Variants in ADAMTS19 observed in about 807,000 individuals in gnomAD.
The protein encoded by ADAMTS19 is A disintegrin and metalloproteinase with thrombospondin motifs 19.
Under a neutral mutation model 153.3 loss-of-function variants are expected in ADAMTS19, and 93 were observed. The ratio of observed to expected loss-of-function variants is 0.61; its 90% confidence interval spans 0.51 to 0.72. The LOEUF (loss-of-function observed/expected upper bound fraction) is 0.72. Ranked by LOEUF, ADAMTS19 falls within the 30% of genes least tolerant of loss-of-function variation. The probability of loss-of-function intolerance (pLI) is 0.00; values close to 1 mark genes in which losing one functional copy is unlikely to be tolerated. For synonymous variants in ADAMTS19, 600 were observed against 556.6 expected (o/e 1.08, Z -1.10); for missense variants, 1,482 against 1,552.1 (o/e 0.95, Z 0.76).
At chr5:129,603,576 T>C (rs992446255) in intron 8 of ADAMTS19, among the ~76,000 whole-genome samples, 1 of 152,206 alleles carries the variant, frequency 6.6e-6, no homozygotes, top group Non-Finnish European at 1.5e-5. Flanking sequence ...TAGGAAAATT[T>C]AGCCTAAGTC....
At chr5:129,696,064 T>C (rs1755537730) in intron 19 of ADAMTS19, among the ~76,000 whole-genome samples, 1 of 152,178 alleles carries the variant, frequency 6.6e-6, no homozygotes, top group South Asian at 2.1e-4. Context: ...TCTTAATCTC[T>C]TTGGGAATTA....
chr5:129,610,679 C>G (rs1181545241), intron 8 of ADAMTS19, among the ~76,000 whole-genome samples: 1 of 152,110 alleles, frequency 6.6e-6, no homozygotes, highest in Non-Finnish European at 1.5e-5. Context: ...TTTCTTAATC[C>G]AATCTATCAC....
At chr5:129,610,438 C>G (rs182537827) in intron 8 of ADAMTS19, among the ~76,000 whole-genome samples, 94 of 152,146 alleles carry the variant, frequency 6.2e-4, no homozygotes, top group Middle Eastern at 3.4e-3. Context: ...ATCCTTCCCC[C>G]CTCTACCCAC....
intron 2 of ADAMTS19, among the ~76,000 whole-genome samples, chr5:129,495,711 A>G (rs1750904603): frequency 6.6e-6 from 1 of 152,006 alleles, no homozygotes; most frequent in Non-Finnish European, 1.5e-5. Flanking sequence ...GAACCAACTT[A>G]CCCCTAATTT....
chr5:129,464,492 A>G (rs1279465253), intron 2 of ADAMTS19, among the ~76,000 whole-genome samples: 2 of 152,204 alleles, frequency 1.3e-5, no homozygotes, highest in African/African-American at 2.4e-5. Flanking sequence ...CTCTCTTGAT[A>G]GTAAGCTTTG....
chr5:129,527,812 T>C lies in ADAMTS19; in HGVS notation c.1151T>C (p.Ile384Thr). The change falls in exon 5 of 23, where the codon ATT becomes ACT. Residue 384 changes from isoleucine to threonine, a missense_variant. Coordinates refer to ENST00000274487, the MANE Select transcript of ADAMTS19 (RefSeq NM_133638.6). ...GTCAATCTTCGTGTGATAAAGCTTA[T>C]TCTGCTCCATGAAACTCCAGTAAGA... ...VQVNLRVIKLILLHETPPELY... is the reference protein window; with the variant it reads ...VQVNLRVIKLTLLHETPPELY... 1 of 1,597,082 alleles carries C rather than the reference T, an allele frequency of 6.3e-7. No homozygotes were observed. The highest frequency in any genetic ancestry group is 1.3e-5 in the African/African-American group (1 of 74,664).
chr5:129,703,300 T>C (rs1755995947), intron 20 of ADAMTS19, among the ~76,000 whole-genome samples: 1 of 151,994 alleles, frequency 6.6e-6, no homozygotes, highest in African/African-American at 2.4e-5. Flanking sequence ...TAGTGGAATA[T>C]ACATATGTGC....
rs2112862306 is a variant in ADAMTS19 at position 129,461,404 on chromosome 5, T to C, written c.394T>C (p.Ser132Pro). 7.4e-7 allele frequency: 1 copy of C among 1,358,126 alleles called. No homozygotes were observed. The highest frequency in any genetic ancestry group is 3.0e-5 in the East Asian group (1 of 32,814). The allele number at this position is 1,358,126 out of a possible 1,614,324, so 84.1% of individuals were successfully genotyped here. A position where few individuals can be genotyped will look rare whatever the true frequency, so the allele number is the denominator to read the frequency against. Residue 132 changes from serine (S) to proline (P), a missense_variant, in exon 2 of 23, where the codon TCC becomes CCC. Physicochemically the swap from Ser to Pro is moderately conservative, Grantham distance 74. This residue lies in a region of ADAMTS19 where 866 missense variants were observed against 827.7 expected (regional missense o/e 1.05). Transcript: ENST00000274487. This position sits in a 1 kb window ranked among gnomAD's most constrained non-coding sequence, Gnocchi z 4.6. ...CGAGTCGCAGGAGCTGCCGCGGGGA[T>C]CCAGCGGGGCTGCCGCCTTGTCCCC... ...ELESQELPRG[S>P]SGAAALSPGA...
chr5:129,605,893 A>G (rs1581136211), intron 8 of ADAMTS19, among the ~76,000 whole-genome samples: 1 of 152,176 alleles, frequency 6.6e-6, no homozygotes, highest in South Asian at 2.1e-4. Flanking sequence ...GAGTTAGGGG[A>G]AATTACTTAT....
chr5:129,492,264 G>A (rs1750792385), intron 2 of ADAMTS19, among the ~76,000 whole-genome samples: 1 of 152,138 alleles, frequency 6.6e-6, no homozygotes, highest in Admixed American at 6.5e-5. Flanking sequence ...CAGTATCAAG[G>A]GGAGGGTACT....
In ADAMTS19 at chr5:129,620,353, A is replaced by G. The variant is rs571524910; in HGVS notation, c.1479-265A>G. Among the ~76,000 whole-genome samples the G allele has an allele frequency of 9.2e-5, 14 of 152,180 alleles. No individual in the cohort carries two copies. In the East Asian group the frequency reaches 2.1e-3, roughly 23 times the overall value. On this transcript the variant is annotated intron_variant, in intron 8 of 22. Transcript: ENST00000274487. ...GAATATATCTGTAGGTCATTTCCGT[A>G]TAAAGGACCTAAACATGTCATTTTA...
rs191117404 is a variant in ADAMTS19 at position 129,660,299 on chromosome 5, A to T, written c.2425+1562A>T. Among the ~76,000 whole-genome samples, 304 of 152,266 alleles carry T rather than the reference A, an allele frequency of 2.0e-3. 2 individuals carry two copies. The highest frequency in any genetic ancestry group is 6.8e-3 in the Middle Eastern group (2 of 294). On this transcript the variant is annotated intron_variant, in intron 15 of 22. Coordinates refer to ENST00000274487, the MANE Select transcript of ADAMTS19 (RefSeq NM_133638.6). ...CTTTAGAAAAAATAAATAAATAAAT[A>T]CTTAGCTGAAACAGGCTCTCAGACT...
chr5:129,468,895 G>A (rs1467606305), intron 2 of ADAMTS19, among the ~76,000 whole-genome samples: 2 of 151,886 alleles, frequency 1.3e-5, no homozygotes, highest in African/African-American at 4.8e-5. Flanking sequence ...TCCTGCCTCA[G>A]CCTCCGAAGT....
At chr5:129,695,635 C>T (rs1755519174) in intron 19 of ADAMTS19, among the ~76,000 whole-genome samples, 1 of 152,182 alleles carries the variant, frequency 6.6e-6, no homozygotes, top group African/African-American at 2.4e-5. Flanking sequence ...AATCTACCTG[C>T]TTTCACATAA....
chr5:129,516,215 G>A (rs1751599255), intron 3 of ADAMTS19, among the ~76,000 whole-genome samples: 2 of 148,670 alleles, frequency 1.3e-5, no homozygotes, highest in African/African-American at 4.9e-5. Context: ...TTTTGCATCA[G>A]TATTCATCAG....
At chr5:129,477,044 A>G (rs757643901) in intron 2 of ADAMTS19, among the ~76,000 whole-genome samples, 5 of 152,174 alleles carry the variant, frequency 3.3e-5, no homozygotes, top group Non-Finnish European at 5.9e-5. Context: ...GAATAATAAT[A>G]TATATAGATA....
At chr5:129,650,636 G>A (rs1353862271) in intron 13 of ADAMTS19, among the ~76,000 whole-genome samples, 3 of 152,082 alleles carry the variant, frequency 2.0e-5, no homozygotes, top group African/African-American at 4.8e-5. Flanking sequence ...TTGTGGCCTT[G>A]ATGCCATCCC....
At chr5:129,465,757 T>A (rs1749834915) in intron 2 of ADAMTS19, among the ~76,000 whole-genome samples, 1 of 152,110 alleles carries the variant, frequency 6.6e-6, no homozygotes, top group Admixed American at 6.6e-5. Context: ...ATGAAAAAAT[T>A]AAGATTACAG....
intron 16 of ADAMTS19, among the ~76,000 whole-genome samples, chr5:129,673,057 A>G (rs927151754): frequency 1.8e-4 from 27 of 151,766 alleles, no homozygotes; most frequent in African/African-American, 6.3e-4. Context: ...TATTTCTAAT[A>G]TTTTTAGTTT....
Sources: allele counts gnomAD v4.1 joint callset (sites outside exome capture counted in the v4.1 genomes callset), GRCh38; gene constraint gnomAD v4.1.1; regional missense constraint gnomAD v4.1.1; non-coding constraint Gnocchi (gnomAD v3.1); transcripts MANE v1.5; gene names NCBI Gene and HGNC (gene_info 2026-07-23, HGNC 2026-07-21).